Variants in HRK observed in about 807,000 individuals in gnomAD.
The protein encoded by HRK is activator of apoptosis harakiri.
A neutral mutation model predicts 5.9 loss-of-function variants in HRK; 6 were observed. The observed-to-expected ratio is 1.02, with a 90% CI of 0.56 to 2.01. The LOEUF (loss-of-function observed/expected upper bound fraction) is 2.01, where lower values mean the gene tolerates loss of function less well. Ranked by LOEUF, HRK falls within the 30% of genes most tolerant of loss-of-function variation. The pLI, the probability that HRK is intolerant of heterozygous loss-of-function variation, is 0.00. For synonymous variants in HRK, 85 were observed against 65.1 expected (o/e 1.31, Z -1.47); for missense variants, 133 against 128.3 (o/e 1.04, Z -0.18).
rs938018530 is a variant in HRK at position 116,879,717 on chromosome 12, C to G, written c.*56+1259G>C. On this transcript the variant is annotated intron_variant, in intron 1 of 1. Transcript: ENST00000257572. The surrounding 1 kb of genome is among the most constrained non-coding windows in gnomAD (Gnocchi z 5.6). ...GTCCCGGCTCACACCCCGCGCACCCCCGCAGCTCCCTGGGCGCTGCCACCC... is the reference window on the plus strand; with the variant it reads ...GTCCCGGCTCACACCCCGCGCACCCGCGCAGCTCCCTGGGCGCTGCCACCC... 2.0e-5 allele frequency: 3 copies of G among 152,234 alleles called. No homozygotes were observed. Among genetic ancestry groups the G allele is most frequent in the African/African-American group, 7.2e-5 (3 of 41,456 alleles). The allele number at this position is 152,234 out of a possible 1,614,324, so 9.4% of individuals were successfully genotyped here. A position where few individuals can be genotyped will look rare whatever the true frequency, so the allele number is the denominator to read the frequency against.
chr12:116,881,048 C>T lies in HRK; in HGVS notation c.260G>A (p.Gly87Asp). Residue 87 changes from glycine (G) to aspartate (D), a missense_variant, in exon 1 of 2, where the codon GGC becomes GAC. Physicochemically the swap from Gly to Asp is moderately conservative, Grantham distance 94. Transcript: ENST00000257572. ...QVAALAAWLL[G>D]RRNL ...CCCGCGTTCCTACAAGTTCCGCCTG[C>T]CGAGCAGCCAGGCCGCCAGCGCCGC... The T allele has an allele frequency of 2.9e-6, 4 of 1,358,498 alleles. No homozygotes were observed. The highest frequency in any genetic ancestry group is 1.8e-5 in the South Asian group (1 of 55,626). 84.2% of individuals were successfully genotyped at this position (1,358,498 alleles called of 1,614,324 possible). A position where few individuals can be genotyped will look rare whatever the true frequency, so the allele number is the denominator to read the frequency against.
intron 1 of HRK, among the ~76,000 whole-genome samples, chr12:116,874,289 C>G (rs1878858290): frequency 6.6e-6 from 1 of 152,138 alleles, no homozygotes; most frequent in Non-Finnish European, 1.5e-5. Context: ...GTCTTACCTC[C>G]GGGCCACTGG....
At chr12:116,876,000 G>A (rs900499190) in intron 1 of HRK, among the ~76,000 whole-genome samples, 5 of 152,280 alleles carry the variant, frequency 3.3e-5, no homozygotes, top group East Asian at 1.9e-4. Context: ...ACCAAGAAAC[G>A]GAAGCCCCCT....
intron 1 of HRK, chr12:116,869,353 A>T (rs185506221): frequency 6.6e-5 from 10 of 152,206 alleles, no homozygotes; most frequent in Non-Finnish European, 1.5e-4. Flanking sequence ...TCTGAACACC[A>T]GTACATCCTT....
chr12:116,873,777 G>C (rs1878839507), intron 1 of HRK, among the ~76,000 whole-genome samples: 1 of 152,204 alleles, frequency 6.6e-6, no homozygotes, highest in Non-Finnish European at 1.5e-5. Flanking sequence ...GGAAAGCTCT[G>C]TGGAAAGCAG....
At chr12:116,874,130 C>T (rs1176247884) in intron 1 of HRK, among the ~76,000 whole-genome samples, 4 of 152,142 alleles carry the variant, frequency 2.6e-5, no homozygotes, top group African/African-American at 7.2e-5. Flanking sequence ...AGGGCAGGGG[C>T]AAAGCCTGGG....
intron 1 of HRK, chr12:116,867,552 G>A (rs1366931976): frequency 2.0e-5 from 3 of 152,090 alleles, no homozygotes; most frequent in Non-Finnish European, 4.4e-5. Context: ...AGTTATAGTG[G>A]GCTATGATCA....
intron 1 of HRK, chr12:116,869,647 G>C (rs1878674892): frequency 6.6e-6 from 1 of 152,198 alleles, no homozygotes; most frequent in Non-Finnish European, 1.5e-5. Context: ...CCCTTTCCAT[G>C]AAGCTTCCCT....
chr12:116,875,888 T>C (rs1386325703), intron 1 of HRK, among the ~76,000 whole-genome samples: 1 of 152,160 alleles, frequency 6.6e-6, no homozygotes, highest in Non-Finnish European at 1.5e-5. Flanking sequence ...ACATAGTTAT[T>C]GTACACCTAC....
Position 116,865,578 on chromosome 12 carries a change from A to G in HRK, c.*57-4112T>C, listed in dbSNP as rs537298379. Among the ~76,000 whole-genome samples the G allele has an allele frequency of 4.6e-5, 7 of 152,276 alleles. No individual in the cohort carries two copies. In the South Asian group the frequency reaches 1.5e-3, roughly 32 times the overall value. On this transcript the variant is annotated intron_variant, in intron 1 of 1. Transcript: ENST00000257572. ...AAAAAATACCTTTTTTGCCCTTGCT[A>G]TTTGCACAAGTGATAAGTTACAAAT...
Position 116,881,121 on chromosome 12 carries a change from C to G in HRK, c.187G>C (p.Gly63Arg), listed in dbSNP as rs1879132835. ...CAAGGCCAGTAGGTGGGGAGCGCGC[C>G]GGGCGCCGGCGCCCTCCGGCTCCGC... is the stretch of plus-strand genomic sequence containing the variant. ...RARSRRAPAP[G>R]ALPTYWPWLC... Residue 63 changes from glycine (G) to arginine (R), a missense_variant, in exon 1 of 2, where the codon GGC (glycine) becomes CGC (arginine). By Grantham distance (125) the Gly-to-Arg change is moderately radical. Transcript: ENST00000257572. The G allele has an allele frequency of 1.6e-6, 2 of 1,219,792 alleles. No individual in the cohort carries two copies. The highest frequency in any genetic ancestry group is 1.0e-6 in the Non-Finnish European group (1 of 981,178). The allele number at this position is 1,219,792 out of a possible 1,614,324, so 75.6% of individuals were successfully genotyped here. A position where few individuals can be genotyped will look rare whatever the true frequency, so the allele number is the denominator to read the frequency against.
chr12:116,874,334 G>A (rs1239505824), intron 1 of HRK, among the ~76,000 whole-genome samples: 2 of 152,094 alleles, frequency 1.3e-5, no homozygotes, highest in Admixed American at 1.3e-4. Context: ...CACCTTTCTC[G>A]CATGTCTTCA....
chr12:116,868,231 C>T (rs1478171003), intron 1 of HRK, among the ~76,000 whole-genome samples: 2 of 151,956 alleles, frequency 1.3e-5, no homozygotes, highest in African/African-American at 4.8e-5. Flanking sequence ...ATGGGCACTA[C>T]AGGAACATGC....
Position 116,881,140 on chromosome 12 carries a change from G to C in HRK, c.168C>G (p.Ser56Arg), listed in dbSNP as rs929616287. The C allele has an allele frequency of 1.8e-5, 22 of 1,195,832 alleles. No individual in the cohort carries two copies. The highest frequency in any genetic ancestry group is 2.2e-5 in the Non-Finnish European group (21 of 966,322). 74.1% of individuals were successfully genotyped at this position (1,195,832 alleles called of 1,614,324 possible). A position where few individuals can be genotyped will look rare whatever the true frequency, so the allele number is the denominator to read the frequency against. Residue 56 changes from serine (S) to arginine (R), a missense_variant, in exon 1 of 2, where the codon AGC becomes AGG. Coordinates refer to ENST00000257572, the MANE Select transcript of HRK (RefSeq NM_003806.4). ...GCGCGCCGGGCGCCGGCGCCCTCCGGCTCCGCGCGCGGCGCCGCCACATGG... is the reference window on the plus strand; with the variant it reads ...GCGCGCCGGGCGCCGGCGCCCTCCGCCTCCGCGCGCGGCGCCGCCACATGG... ...QRTMWRRRARSRRAPAPGALP... is the reference protein window; with the variant it reads ...QRTMWRRRARRRRAPAPGALP...
intron 1 of HRK, among the ~76,000 whole-genome samples, chr12:116,869,031 T>C (rs572839484): frequency 6.6e-5 from 10 of 151,652 alleles, no homozygotes; most frequent in Non-Finnish European, 1.5e-4. Flanking sequence ...TGGAGTGCAG[T>C]GGCACAATCA....
chr12:116,869,099 G>A (rs545113379), intron 1 of HRK, among the ~76,000 whole-genome samples: 12 of 151,928 alleles, frequency 7.9e-5, no homozygotes, highest in African/African-American at 1.9e-4. Context: ...TCAGCCTCCC[G>A]AGTAGCTGGG....
At chr12:116,870,238 A>T (rs73393783) in intron 1 of HRK, among the ~76,000 whole-genome samples, 1,729 of 152,254 alleles carry the variant, frequency 0.011, 38 homozygotes, top group African/African-American at 0.039. Context: ...ATTTTACAGG[A>T]CTTATTAAGT....
At chr12:116,864,361 G>A (rs11835980) in intron 1 of HRK, among the ~76,000 whole-genome samples, 6,575 of 152,278 alleles carry the variant, frequency 0.043, 402 homozygotes, top group African/African-American at 0.13. Context: ...AAGGCCAGGT[G>A]CCTGCTTTAA....
intron 1 of HRK, among the ~76,000 whole-genome samples, chr12:116,865,393 G>C (rs1242602470): frequency 6.6e-6 from 1 of 151,966 alleles, no homozygotes; most frequent in Non-Finnish European, 1.5e-5. Flanking sequence ...CAGGTGTGGT[G>C]GTGCACACCT....
Sources: gnomAD v4.1 joint callset for allele counts (sites outside exome capture counted in the v4.1 genomes callset) on GRCh38, gnomAD v4.1.1 for gene constraint, Gnocchi (gnomAD v3.1) non-coding constraint, MANE v1.5 for transcripts, NCBI Gene and HGNC (gene_info 2026-07-23, HGNC 2026-07-21) for gene names.